The following ZBTB8A variants were observed in gnomAD, a reference collection of about 807,000 sequenced individuals.
ZBTB8A encodes zinc finger and BTB domain containing 8A.
Under a neutral mutation model 37.8 loss-of-function variants are expected in ZBTB8A, and 19 were observed. The observed-to-expected ratio is 0.50, with a 90% confidence interval of 0.35 to 0.74. The LOEUF (loss-of-function observed/expected upper bound fraction) is 0.74. ZBTB8A is among the 30% of genes least tolerant of loss of function. The pLI is 0.01. For missense variants in ZBTB8A, 394 were observed against 537.8 expected (o/e 0.73, Z 2.65); for synonymous variants, 181 against 185.2 (o/e 0.98, Z 0.19).
In ZBTB8A at chr1:32,600,814, T is replaced by C. The variant is rs1325896105; in HGVS notation, c.*395T>C. 6.1e-6 allele frequency: 1 copy of C among 165,256 alleles called. No homozygotes were observed. The highest frequency in any genetic ancestry group is 1.3e-5 in the Non-Finnish European group (1 of 75,972). The allele number at this position is 165,256 out of a possible 1,614,324, so 10.2% of individuals were successfully genotyped here. ...TTTATGTAAGACAATTTCAAGGTGTTTCAAAAACACATAACTACCAATGTT... is the reference window on the plus strand; with the variant it reads ...TTTATGTAAGACAATTTCAAGGTGTCTCAAAAACACATAACTACCAATGTT... On this transcript the variant is annotated 3_prime_UTR_variant, in exon 5 of 5. Coordinates refer to ENST00000373510, the MANE Select transcript of ZBTB8A (RefSeq NM_001040441.3).
chr1:32,604,143 T>C lies in ZBTB8A; in HGVS notation c.*3724T>C, dbSNP rs568310675. ...CCATTTATCAGCTTCTGAATGCCCT[T>C]CTAACTCCATTACCCTCAAGAGTGT... is the stretch of plus-strand genomic sequence containing the variant. On this transcript the variant is annotated 3_prime_UTR_variant, in exon 5 of 5. Transcript: ENST00000373510. The C allele has an allele frequency of 6.6e-6, 1 of 152,276 alleles. No homozygotes were observed. The highest frequency in any genetic ancestry group is 2.1e-4 in the South Asian group (1 of 4,826). 9.4% of individuals were successfully genotyped at this position (152,276 alleles called of 1,614,324 possible).
At chr1:32,562,136 T>G (rs1449611966) in intron 2 of ZBTB8A, among the ~76,000 whole-genome samples, 3 of 150,760 alleles carry the variant, frequency 2.0e-5, no homozygotes, top group Non-Finnish European at 4.4e-5. Context: ...TTTTTTTTTT[T>G]GTAGAAACGG....
At chr1:32,583,846 C>T (rs1644425556) in intron 2 of ZBTB8A, among the ~76,000 whole-genome samples, 1 of 152,052 alleles carries the variant, frequency 6.6e-6, no homozygotes, top group Non-Finnish European at 1.5e-5. Context: ...CAGGTTCAAG[C>T]GATTCTCCTC....
Position 32,574,929 on chromosome 1 carries a change from C to T in ZBTB8A, c.-1-18002C>T, listed in dbSNP as rs115506324. On this transcript the variant is annotated intron_variant, in intron 2 of 4. Coordinates refer to ENST00000373510, the MANE Select transcript of ZBTB8A (RefSeq NM_001040441.3). ...AGTAGCTGGGACCACAGGTGCATGCCGCCATGCCAAGCTAATTTTTATTTT... is the reference window on the plus strand; with the variant it reads ...AGTAGCTGGGACCACAGGTGCATGCTGCCATGCCAAGCTAATTTTTATTTT... Among the ~76,000 whole-genome samples the T allele has an allele frequency of 3.7e-3, 562 of 152,044 alleles. 5 individuals carry two copies. The highest frequency in any genetic ancestry group is 0.013 in the African/African-American group (538 of 41,476).
intron 2 of ZBTB8A, among the ~76,000 whole-genome samples, chr1:32,573,738 C>CTTTTTTTT (rs753573244): frequency 1.1e-5 from 1 of 95,018 alleles, no homozygotes; most frequent in Non-Finnish European, 2.0e-5. Context: ...CCAGCTAAAA[C>CTTTTTTTT]TTTTTTTTTT....
intron 1 of ZBTB8A, among the ~76,000 whole-genome samples, chr1:32,543,763 G>A (rs1411318821): frequency 1.3e-5 from 2 of 151,934 alleles, no homozygotes; most frequent in African/African-American, 4.8e-5. Context: ...TGCAAGCTCC[G>A]CCTCCTGGGT....
intron 2 of ZBTB8A, among the ~76,000 whole-genome samples, chr1:32,568,661 C>T (rs1479822715): frequency 6.6e-6 from 1 of 152,196 alleles, no homozygotes; most frequent in Non-Finnish European, 1.5e-5. Flanking sequence ...GCTGGGATTA[C>T]AGGCGTGAGC....
chr1:32,562,038 C>T (rs1300005729), intron 2 of ZBTB8A, among the ~76,000 whole-genome samples: 1 of 151,910 alleles, frequency 6.6e-6, no homozygotes, highest in Non-Finnish European at 1.5e-5. Context: ...CAGCCTCGAA[C>T]TCCTGGGCTC....
At chr1:32,575,301 A>G (rs567062152) in intron 2 of ZBTB8A, among the ~76,000 whole-genome samples, 2 of 135,024 alleles carry the variant, frequency 1.5e-5, no homozygotes, top group Admixed American at 1.8e-4. Context: ...ATGTCAGCTC[A>G]CTGCAACCTC....
At chr1:32,595,630 T>G (rs1248921961) in intron 4 of ZBTB8A, among the ~76,000 whole-genome samples, 1 of 149,750 alleles carries the variant, frequency 6.7e-6, no homozygotes, top group Non-Finnish European at 1.5e-5. Context: ...AGTGCAGTGG[T>G]GCCATCTCAG....
At chr1:32,571,172 G>A (rs1351966376) in intron 2 of ZBTB8A, among the ~76,000 whole-genome samples, 1 of 152,016 alleles carries the variant, frequency 6.6e-6, no homozygotes, top group East Asian at 1.9e-4. Flanking sequence ...CACCACACCC[G>A]GCCTATGCCT....
chr1:32,601,881 A>G lies in ZBTB8A; in HGVS notation c.*1462A>G, dbSNP rs1275316849. 5 of 392,572 alleles carry G rather than the reference A, an allele frequency of 1.3e-5. No individual in the cohort carries two copies. Among genetic ancestry groups the G allele is most frequent in the Non-Finnish European group, 2.2e-5 (5 of 223,150 alleles). 24.3% of individuals were successfully genotyped at this position (392,572 alleles called of 1,614,324 possible). ...GCTAAGTAATGTCCCTACAGTACCT[A>G]TTGGTATGTTTTTATGTCACGTTAT... On this transcript the variant is annotated 3_prime_UTR_variant, in exon 5 of 5. Transcript: ENST00000373510.
At chr1:32,575,227 T>C (rs924542530) in intron 2 of ZBTB8A, among the ~76,000 whole-genome samples, 82 of 103,724 alleles carry the variant, frequency 7.9e-4, no homozygotes, top group African/African-American at 3.5e-3. Flanking sequence ...TTTTCTTTCC[T>C]TTTTTTTTTT....
At chr1:32,599,501 G>A (rs895002847) in intron 4 of ZBTB8A, among the ~76,000 whole-genome samples, 1 of 152,056 alleles carries the variant, frequency 6.6e-6, no homozygotes, top group African/African-American at 2.4e-5. Flanking sequence ...GACAGATGAC[G>A]AGGTCAGGAG....
At chr1:32,542,746 A>G (rs370194002) in intron 1 of ZBTB8A, among the ~76,000 whole-genome samples, 1 of 152,206 alleles carries the variant, frequency 6.6e-6, no homozygotes, top group Non-Finnish European at 1.5e-5. Flanking sequence ...TTTAAAGATC[A>G]TTGAACTTGA....
chr1:32,559,955 A>G (rs1385358708), intron 2 of ZBTB8A, among the ~76,000 whole-genome samples: 1 of 152,174 alleles, frequency 6.6e-6, no homozygotes, highest in African/African-American at 2.4e-5. Context: ...TGGGTAATTT[A>G]TAAAGAATAG....
intron 1 of ZBTB8A, among the ~76,000 whole-genome samples, chr1:32,549,408 C>T (rs1190940208): frequency 5.3e-5 from 8 of 151,588 alleles, no homozygotes; most frequent in East Asian, 3.9e-4. Context: ...GCAGGAGAAT[C>T]GCTTGAACCC....
At position 32,600,332 on chromosome 1, in the gene ZBTB8A, A is replaced by G. The variant is rs764817075; in HGVS notation, c.1239A>G (p.Val413=). The G allele has an allele frequency of 4.3e-6, 7 of 1,614,188 alleles. No individual in the cohort carries two copies. Among genetic ancestry groups the G allele is most frequent in the South Asian group, 2.2e-5 (2 of 91,086 alleles). ...AGAATAGATCCTATGTGGAGATTGT[A>G]GAAGATGGGTCTGCTGATCTGGTCA... ...EDENRSYVEI[V]EDGSADLVIQ... Residue 413 remains valine, a synonymous_variant, in exon 5 of 5, where the codon GTA becomes GTG. Transcript: ENST00000373510.
At chr1:32,545,295 G>T (rs1023680067) in intron 1 of ZBTB8A, among the ~76,000 whole-genome samples, 4 of 152,150 alleles carry the variant, frequency 2.6e-5, no homozygotes, top group African/African-American at 9.7e-5. Context: ...GTGTGAGGTA[G>T]TATCTCATTG....
Sources: allele counts gnomAD v4.1 joint callset (sites outside exome capture counted in the v4.1 genomes callset), GRCh38; gene constraint gnomAD v4.1.1; transcripts MANE v1.5; gene names NCBI Gene and HGNC (gene_info 2026-07-23, HGNC 2026-07-21).